The following USP30 variants were observed in gnomAD, a reference collection of about 807,000 sequenced individuals.
USP30 encodes the protein ubiquitin carboxyl-terminal hydrolase 30.
A neutral mutation model predicts 68.2 loss-of-function variants in USP30; 41 were observed. The ratio of observed to expected loss-of-function variants is 0.60; its 90% CI spans 0.47 to 0.78. USP30 has a LOEUF of 0.78. USP30 is among the 30% of genes least tolerant of loss of function. The pLI is 0.00. For missense variants in USP30, 522 were observed against 649.4 expected (o/e 0.80, Z 2.13); for synonymous variants, 229 against 253.7 (o/e 0.90, Z 0.93).
At chr12:109,062,617 C>T (rs1027129418) in intron 3 of USP30, among the ~76,000 whole-genome samples, 13 of 152,118 alleles carry the variant, frequency 8.5e-5, no homozygotes, top group South Asian at 8.3e-4. Flanking sequence ...CTTGAGCCAC[C>T]GCGCCCAGCC....
At chr12:109,024,272 T>C (rs1265110703) in intron 1 of USP30, among the ~76,000 whole-genome samples, 2 of 152,118 alleles carry the variant, frequency 1.3e-5, no homozygotes, top group African/African-American at 4.8e-5. Flanking sequence ...TAATTTTATT[T>C]TTTGAGACAA....
intron 11 of USP30, 21 bp from the exon 12 acceptor site, chr12:109,084,932 T>A: frequency 6.4e-7 from 1 of 1,551,160 alleles, no homozygotes; most frequent in Non-Finnish European, 8.7e-7. Flanking sequence ...TTTCATTGAC[T>A]CGGGCCTTTT....
chr12:109,083,025 A>C lies in USP30; in HGVS notation c.1131A>C (p.Thr377=). ...NPKLNKNPGP[T]LELQDGPGAP... is the part of the protein sequence containing the mutation. ...AACTGAACAAGAACCCAGGGCCTAC[A>C]CTGGAGCTGCAGGATGGGCCGGGAG... is the stretch of plus-strand genomic sequence containing the variant. Residue 377 remains threonine, a synonymous_variant, in exon 11 of 13, where the codon ACA becomes ACC. Transcript: ENST00000257548. The C allele has an allele frequency of 6.2e-7, 1 of 1,613,520 alleles. No homozygotes were observed.
At chr12:109,058,243 G>A in intron 3 of USP30, 135 bp downstream of exon 3, 2 of 974,096 alleles carry the variant, frequency 2.1e-6, no homozygotes, top group Non-Finnish European at 3.0e-6. Context: ...ACAACACCAA[G>A]AGCCCAATAG....
chr12:109,037,131 C>G (rs1402144516), intron 3 of USP30, among the ~76,000 whole-genome samples: 1 of 152,148 alleles, frequency 6.6e-6, no homozygotes, highest in Non-Finnish European at 1.5e-5. Context: ...ATTTTTCCTT[C>G]TGTTCCTCAT....
intron 3 of USP30, among the ~76,000 whole-genome samples, chr12:109,046,695 T>C (rs1045255084): frequency 1.3e-5 from 2 of 151,956 alleles, no homozygotes; most frequent in African/African-American, 4.8e-5. Context: ...TTTGTTGTTG[T>C]TGCTGCTGTT....
At position 109,052,773 on chromosome 12, in the gene USP30, G is replaced by C. The variant is rs552938945; in HGVS notation, c.83+12G>C. 6.2e-6 allele frequency: 9 copies of C among 1,445,194 alleles called. No individual in the cohort carries two copies. Among genetic ancestry groups the C allele is most frequent in the South Asian group, 4.4e-5 (3 of 68,044 alleles). The allele number at this position is 1,445,194 out of a possible 1,614,324, so 89.5% of individuals were successfully genotyped here. A position where few individuals can be genotyped will look rare whatever the true frequency, so the allele number is the denominator to read the frequency against. On this transcript the variant is annotated intron_variant, in intron 1 of 12. Coordinates refer to ENST00000257548, the MANE Select transcript of USP30 (RefSeq NM_032663.5). The stretch of plus-strand genomic sequence containing the variant: ...GGGGCGGCCGTCAGGTGAGATTTTG[G>C]GGGGCGGGGCTGCCGAAGAGGCCGG...
chr12:109,053,845 C>T, intron 1 of USP30: 1 of 321,228 alleles, frequency 3.1e-6, no homozygotes, highest in South Asian at 2.5e-5. Context: ...AGTCCTCTCT[C>T]CCATCCCCTT....
chr12:109,023,628 CTT>C (rs1179349331), intron 1 of USP30, among the ~76,000 whole-genome samples: 2,694 of 71,966 alleles, frequency 0.037, 12 homozygotes, highest in Middle Eastern at 0.12. Flanking sequence ...TTAATCAGGA[CTT>C]TTTTTTTTTT....
At chr12:109,072,245 G>A (rs1309831887) in intron 5 of USP30, 60 bp from the exon 6 acceptor site, 2 of 1,448,986 alleles carry the variant, frequency 1.4e-6, no homozygotes. Context: ...GGTGGGGTGA[G>A]GGTGGTGAAA....
In USP30 at chr12:109,044,087, T is replaced by G. The variant is rs2040583572; in HGVS notation, c.-135-3503T>G. Among the ~76,000 whole-genome samples the G allele has an allele frequency of 3.3e-5, 5 of 152,310 alleles. No individual in the cohort carries two copies. In the South Asian group the frequency reaches 1.0e-3, roughly 32 times the overall value. ...CACCATAAATGAACCTTGAGGACAT[T>G]ATGCTAAGTGAAGTAAGCCAGACAC... On this transcript the variant is annotated intron_variant, in intron 3 of 15. Transcript: ENST00000392784.
chr12:109,054,128 C>CCTTAGCA (rs2040764453), intron 1 of USP30: 3 of 453,206 alleles, frequency 6.6e-6, no homozygotes, highest in South Asian at 4.7e-5. Flanking sequence ...TGGTAAAGCA[C>CCTTAGCA]CTTAGCACTT....
intron 3 of USP30, among the ~76,000 whole-genome samples, chr12:109,034,579 A>G (rs77517679): frequency 6.6e-6 from 1 of 152,306 alleles, no homozygotes; most frequent in Non-Finnish European, 1.5e-5. Context: ...AAAGAAAGAA[A>G]GAGAGAAAAT....
intron 3 of USP30, among the ~76,000 whole-genome samples, chr12:109,040,175 C>CA (rs201661228): frequency 2.0e-5 from 3 of 147,128 alleles, no homozygotes; most frequent in Non-Finnish European, 4.5e-5. Flanking sequence ...ATATGGCAAA[C>CA]AAAAAAAAAA....
chr12:109,067,231 A>G (rs1041930918), intron 3 of USP30, among the ~76,000 whole-genome samples: 3 of 148,066 alleles, frequency 2.0e-5, no homozygotes, highest in Non-Finnish European at 4.4e-5. Context: ...CTCCTGCCTC[A>G]GCCTCCCGAG....
At chr12:109,061,836 A>G (rs1318937414) in intron 3 of USP30, among the ~76,000 whole-genome samples, 1 of 152,206 alleles carries the variant, frequency 6.6e-6, no homozygotes, top group East Asian at 1.9e-4. Flanking sequence ...CACCTTTCCC[A>G]AAAGGAAGCT....
intron 3 of USP30, among the ~76,000 whole-genome samples, chr12:109,039,777 A>T (rs2040550202): frequency 6.6e-6 from 1 of 152,120 alleles, no homozygotes; most frequent in Non-Finnish European, 1.5e-5. Context: ...CACCCAGTGA[A>T]TTTTTGCATT....
At chr12:109,062,919 G>A (rs770152519) in intron 3 of USP30, among the ~76,000 whole-genome samples, 13 of 151,694 alleles carry the variant, frequency 8.6e-5, no homozygotes, top group Non-Finnish European at 1.8e-4. Flanking sequence ...CTCTCTCTTT[G>A]AATTTGACTC....
At chr12:109,073,108 A>T (rs2041494250) in intron 6 of USP30, among the ~76,000 whole-genome samples, 3 of 152,212 alleles carry the variant, frequency 2.0e-5, no homozygotes, top group African/African-American at 7.2e-5. Context: ...CGCTTTATGG[A>T]ATGTTCACTT....
Sources: gnomAD v4.1 joint callset for allele counts (sites outside exome capture counted in the v4.1 genomes callset) on GRCh38, gnomAD v4.1.1 for gene constraint, MANE v1.5 for transcripts, NCBI Gene and HGNC (gene_info 2026-07-23, HGNC 2026-07-21) for gene names.